TMEM178B: variants seen among roughly 807,000 people sequenced by gnomAD.
TMEM178B encodes transmembrane protein 178B.
Under a neutral mutation model 31.0 loss-of-function variants are expected in TMEM178B, and 5 were observed. That is an observed-to-expected ratio of 0.16 (90% confidence interval 0.08 to 0.34). TMEM178B has a LOEUF of 0.34. Among genes scored for constraint, TMEM178B ranks in the 10% least tolerant of loss-of-function variants. The probability of loss-of-function intolerance (pLI) is 1.00; values close to 1 mark genes in which losing one functional copy is unlikely to be tolerated. For synonymous variants in TMEM178B, 164 were observed against 164.0 expected (o/e 1.00, Z 0.00); for missense variants, 275 against 400.3 (o/e 0.69, Z 2.67).
chr7:141,200,087 C>T (rs940465496), intron 1 of TMEM178B, among the ~76,000 whole-genome samples: 1 of 151,862 alleles, frequency 6.6e-6, no homozygotes, highest in Admixed American at 6.6e-5. Context: ...CTCTATGTTG[C>T]CCAGGCTGGT....
At position 141,463,192 on chromosome 7, in the gene TMEM178B, G is replaced by A. The variant is rs550000472; in HGVS notation, c.635-7344G>A. On this transcript the variant is annotated intron_variant, in intron 3 of 3. Coordinates refer to ENST00000565468, the MANE Select transcript of TMEM178B (RefSeq NM_001195278.2). ...GGCACAGAAAGGGTAATTAGTTTTC[G>A]TTTCTCATTCCAACCAGCTGCGACT... Among the ~76,000 whole-genome samples the A allele has an allele frequency of 7.9e-5, 12 of 152,268 alleles. No homozygotes were observed. In the South Asian group the frequency reaches 1.9e-3, roughly 24 times the overall value.
intron 2 of TMEM178B, among the ~76,000 whole-genome samples, chr7:141,285,165 T>G (rs1798428207): frequency 7.0e-6 from 1 of 141,886 alleles, no homozygotes; most frequent in Admixed American, 7.0e-5. Context: ...TTTTTTTTTT[T>G]TTTTTTTTTT....
At chr7:141,086,140 A>T in intron 1 of TMEM178B, among the ~76,000 whole-genome samples, 1 of 151,918 alleles carries the variant, frequency 6.6e-6, no homozygotes, top group East Asian at 1.9e-4. Context: ...GGTTCAGATG[A>T]TTCTTGTGCC....
chr7:141,247,081 G>C (rs771139279), intron 2 of TMEM178B, among the ~76,000 whole-genome samples: 5 of 151,944 alleles, frequency 3.3e-5, no homozygotes, highest in Non-Finnish European at 7.4e-5. Flanking sequence ...AATTATATAT[G>C]TATGTGTGTA....
chr7:141,231,591 C>T (rs17488258), intron 2 of TMEM178B, among the ~76,000 whole-genome samples: 37,264 of 152,088 alleles, frequency 0.25, 5,906 homozygotes, highest in Non-Finnish European at 0.36. Context: ...TATTTAGAGA[C>T]GGAAGCAAAG....
In TMEM178B at chr7:141,341,996, G is replaced by T. The variant is rs747375624; in HGVS notation, c.497-95612G>T. 2.0e-5 allele frequency among the ~76,000 whole-genome samples: 3 copies of T among 152,102 alleles called. 1 individual carries two copies. The South Asian group carries it at 6.2e-4, about 32-fold the overall frequency. ...CGAATCTCATTCTGTCACTCAGGCC[G>T]GAGTGCAGTAGTGTGATCTCAGCTC... is the stretch of plus-strand genomic sequence containing the variant. On this transcript the variant is annotated intron_variant, in intron 2 of 3. Transcript: ENST00000565468.
intron 3 of TMEM178B, among the ~76,000 whole-genome samples, chr7:141,464,927 GT>G (rs1045966631): frequency 4.1e-4 from 63 of 152,294 alleles, no homozygotes; most frequent in African/African-American, 1.4e-3. Context: ...TGGGGGCAGA[GT>G]TTTTTCATGT....
At position 141,255,286 on chromosome 7, in the gene TMEM178B, T is replaced by G. The variant is rs117900284; in HGVS notation, c.496+42582T>G. On this transcript the variant is annotated intron_variant, in intron 2 of 3. Transcript: ENST00000565468. ...GGGTGAAGGTAGTATGAGAAACAGCTCAATTCAAGGCCAGACTCTAGCCTT... is the reference window on the plus strand; with the variant it reads ...GGGTGAAGGTAGTATGAGAAACAGCGCAATTCAAGGCCAGACTCTAGCCTT... 5.0e-3 allele frequency among the ~76,000 whole-genome samples: 755 copies of G among 152,288 alleles called. 3 individuals carry two copies. Among genetic ancestry groups the G allele is most frequent in the Middle Eastern group, 0.01 (3 of 292 alleles).
intron 2 of TMEM178B, among the ~76,000 whole-genome samples, chr7:141,269,283 G>A (rs1387299960): frequency 5.3e-5 from 8 of 151,858 alleles, no homozygotes; most frequent in African/African-American, 1.7e-4. Flanking sequence ...TAGAGATGGG[G>A]TTTCACCACG....
At chr7:141,292,441 G>A (rs560926659) in intron 2 of TMEM178B, among the ~76,000 whole-genome samples, 1 of 152,004 alleles carries the variant, frequency 6.6e-6, no homozygotes, top group Admixed American at 6.6e-5. Context: ...TCATCTTTGG[G>A]ACAGAGGAAT....
chr7:141,457,267 C>G (rs900075125), intron 3 of TMEM178B, among the ~76,000 whole-genome samples: 1 of 152,154 alleles, frequency 6.6e-6, no homozygotes, highest in Non-Finnish European at 1.5e-5. Flanking sequence ...CTGTCACATG[C>G]TTTGAGACCT....
At chr7:141,363,924 TAAG>T (rs949470272) in intron 2 of TMEM178B, among the ~76,000 whole-genome samples, 2 of 148,516 alleles carry the variant, frequency 1.3e-5, no homozygotes, top group South Asian at 2.1e-4. Flanking sequence ...AAAAAAGAAA[TAAG>T]AATATTTAAA....
intron 2 of TMEM178B, among the ~76,000 whole-genome samples, chr7:141,258,522 C>A (rs1351197924): frequency 1.3e-5 from 2 of 152,134 alleles, no homozygotes; most frequent in African/African-American, 4.8e-5. Flanking sequence ...AAATATTTGC[C>A]TAGTCATTTA....
chr7:141,433,034 C>T (rs890614676), intron 2 of TMEM178B, among the ~76,000 whole-genome samples: 3 of 152,218 alleles, frequency 2.0e-5, no homozygotes, highest in African/African-American at 7.2e-5. Flanking sequence ...TGCTAAAACT[C>T]AACATCCATA....
chr7:141,319,727 G>A (rs953676147), intron 2 of TMEM178B, among the ~76,000 whole-genome samples: 2 of 152,042 alleles, frequency 1.3e-5, no homozygotes, highest in African/African-American at 2.4e-5. Flanking sequence ...TAGTAGAGAC[G>A]GGGTTTCACC....
chr7:141,509,871 G>A, the TMEM178B span, among the ~76,000 whole-genome samples: 1 of 152,178 alleles, frequency 6.6e-6, no homozygotes, highest in East Asian at 1.9e-4. Context: ...TCCTCCGCAT[G>A]TCCTTTGGGA....
chr7:141,120,174 T>C (rs1475648863), intron 1 of TMEM178B, among the ~76,000 whole-genome samples: 2 of 152,108 alleles, frequency 1.3e-5, no homozygotes, highest in Non-Finnish European at 2.9e-5. Context: ...CTGCATGGAG[T>C]CTCAACTCTT....
intron 2 of TMEM178B, among the ~76,000 whole-genome samples, chr7:141,270,781 C>A (rs576175578): frequency 1.3e-5 from 2 of 152,328 alleles, no homozygotes; most frequent in East Asian, 3.9e-4. Flanking sequence ...ATGTCGTTAT[C>A]TCTCTAGTAT....
At chr7:141,466,549 T>A (rs1802150573) in intron 3 of TMEM178B, among the ~76,000 whole-genome samples, 1 of 152,200 alleles carries the variant, frequency 6.6e-6, no homozygotes, top group African/African-American at 2.4e-5. Flanking sequence ...AACAAATCAC[T>A]GGACTTCTCC....
Sources: gnomAD v4.1 joint callset for allele counts (sites outside exome capture counted in the v4.1 genomes callset) on GRCh38, gnomAD v4.1.1 for gene constraint, MANE v1.5 for transcripts, NCBI Gene and HGNC (gene_info 2026-07-23, HGNC 2026-07-21) for gene names.